The following SULF1 variants were observed in gnomAD, a reference collection of about 807,000 sequenced individuals.
The protein encoded by SULF1 is sulfatase 1.
Under a neutral mutation model 110.5 loss-of-function variants are expected in SULF1, and 46 were observed. The observed-to-expected ratio is 0.42, with a 90% confidence interval of 0.33 to 0.53. The LOEUF (loss-of-function observed/expected upper bound fraction) is 0.53, where lower values mean the gene tolerates loss of function less well. Ranked by LOEUF, SULF1 falls within the 20% of genes least tolerant of loss-of-function variation. The probability of loss-of-function intolerance (pLI) is 0.12; values close to 1 mark genes in which losing one functional copy is unlikely to be tolerated. For synonymous variants in SULF1, 371 were observed against 387.1 expected (o/e 0.96, Z 0.49); for missense variants, 941 against 1,094.2 (o/e 0.86, Z 1.98).
chr8:69,578,988 T>G (rs111443978), intron 6 of SULF1, among the ~76,000 whole-genome samples: 1 of 150,766 alleles, frequency 6.6e-6, no homozygotes, highest in Non-Finnish European at 1.5e-5. Context: ...ACGGTGAAAC[T>G]GTCTCTACTA....
chr8:69,638,755 G>A lies in SULF1; in HGVS notation c.2448G>A (p.Thr816=), dbSNP rs775061008. 1.9e-5 allele frequency: 31 copies of A among 1,613,982 alleles called. 1 individual carries two copies. The highest frequency in any genetic ancestry group is 3.3e-4 in the Middle Eastern group (2 of 6,084). ...DPYQLTNTVH[T]VERGILNQLH... ...CACAGCTCACAAATACAGTGCACAC[G>A]GTAGAACGAGGCATTTTGAATCAGC... The change falls in exon 21 of 23, where the codon ACG becomes ACA. Residue 816 remains threonine, a synonymous_variant. Transcript: ENST00000402687.
intron 7 of SULF1, 47 bp from the exon 8 acceptor site, chr8:69,588,925 A>T: frequency 6.4e-7 from 1 of 1,572,918 alleles, no homozygotes; most frequent in Non-Finnish European, 8.7e-7. Context: ...CGATCTGATG[A>T]ATGTCACCTT....
intron 6 of SULF1, among the ~76,000 whole-genome samples, chr8:69,583,295 G>A (rs563822395): frequency 4.7e-4 from 72 of 152,118 alleles, no homozygotes; most frequent in South Asian, 1.0e-3. Flanking sequence ...TGGGCGCAGC[G>A]CCTCATGCCT....
At chr8:69,653,731 G>A (rs1277105703) in intron 22 of SULF1, among the ~76,000 whole-genome samples, 7 of 152,276 alleles carry the variant, frequency 4.6e-5, no homozygotes, top group South Asian at 2.1e-4. Context: ...AGGTCTTTCT[G>A]ATGATCAGCC....
At chr8:69,477,796 T>C (rs778305504) in intron 1 of SULF1, among the ~76,000 whole-genome samples, 38 of 152,194 alleles carry the variant, frequency 2.5e-4, no homozygotes, top group Non-Finnish European at 4.3e-4. Context: ...GATGGCATTA[T>C]TCTCCTTCTT....
At chr8:69,650,694 A>T (rs78338265) in intron 22 of SULF1, among the ~76,000 whole-genome samples, 7,750 of 152,182 alleles carry the variant, frequency 0.051, 686 homozygotes, top group African/African-American at 0.18. Context: ...TATTCCATGG[A>T]TATTCTCTTG....
chr8:69,522,630 G>A (rs1339284971), intron 3 of SULF1, among the ~76,000 whole-genome samples: 3 of 152,160 alleles, frequency 2.0e-5, no homozygotes, highest in African/African-American at 7.2e-5. Context: ...AAGTCTAACC[G>A]CCGAAATACT....
At chr8:69,609,550 G>C (rs1054846123) in intron 13 of SULF1, among the ~76,000 whole-genome samples, 1 of 152,226 alleles carries the variant, frequency 6.6e-6, no homozygotes. Flanking sequence ...AATCTTCTAA[G>C]TTGAATGGTA....
chr8:69,636,679 G>T (rs949522222), intron 19 of SULF1, among the ~76,000 whole-genome samples: 1 of 152,186 alleles, frequency 6.6e-6, no homozygotes, highest in African/African-American at 2.4e-5. Context: ...GAGAGGTCAG[G>T]TGAATACAGC....
chr8:69,653,866 A>G (rs562050237), intron 22 of SULF1, among the ~76,000 whole-genome samples: 2 of 152,226 alleles, frequency 1.3e-5, no homozygotes, highest in East Asian at 1.9e-4. Context: ...GACCAAATAC[A>G]TTTTTCTTAT....
At chr8:69,489,126 A>T (rs1226995393), upstream of SULF1, among the ~76,000 whole-genome samples, 2 of 152,176 alleles carry the variant, frequency 1.3e-5, no homozygotes, top group East Asian at 3.9e-4. Context: ...TACCAAGGTA[A>T]CACGTGAGAT....
At chr8:69,628,069 T>G in intron 17 of SULF1, 102 bp from the exon 18 acceptor site, 1 of 1,037,866 alleles carries the variant, frequency 9.6e-7, no homozygotes, top group Non-Finnish European at 1.5e-6. Flanking sequence ...ACTTACAACA[T>G]CACTGCCTTC....
chr8:69,591,997 A>G (rs921334758), intron 8 of SULF1, among the ~76,000 whole-genome samples: 1 of 152,208 alleles, frequency 6.6e-6, no homozygotes, highest in Non-Finnish European at 1.5e-5. Context: ...AATATCACCA[A>G]TAGGGCCAGA....
intron 13 of SULF1, among the ~76,000 whole-genome samples, chr8:69,616,228 A>T (rs7842089): frequency 0.58 from 80,580 of 139,878 alleles, 23,169 homozygotes; most frequent in East Asian, 0.64. Flanking sequence ...ATATATATAT[A>T]TATTTTTTTG....
intron 2 of SULF1, among the ~76,000 whole-genome samples, chr8:69,497,465 C>G (rs563941932): frequency 1.1e-4 from 16 of 152,224 alleles, no homozygotes; most frequent in Admixed American, 9.2e-4. Flanking sequence ...CCAGAATGTT[C>G]TTAAGCAACA....
At chr8:69,576,258 A>G (rs376308786) in intron 6 of SULF1, 49 bp downstream of exon 6, 1 of 1,564,722 alleles carries the variant, frequency 6.4e-7, no homozygotes, top group Non-Finnish European at 8.7e-7. Context: ...TATGTCTTAG[A>G]CTCAGGAAGA....
chr8:69,565,039 G>C (rs1815766385), intron 5 of SULF1, among the ~76,000 whole-genome samples: 1 of 152,170 alleles, frequency 6.6e-6, no homozygotes, highest in Non-Finnish European at 1.5e-5. Context: ...CTGAGGCTCA[G>C]GTTCTTGAGG....
At chr8:69,602,381 A>G (rs1056562522) in intron 10 of SULF1, among the ~76,000 whole-genome samples, 4 of 152,226 alleles carry the variant, frequency 2.6e-5, no homozygotes, top group Non-Finnish European at 5.9e-5. Flanking sequence ...CCATCATAAA[A>G]TGGCCTTGTC....
intron 1 of SULF1, among the ~76,000 whole-genome samples, chr8:69,473,708 C>T (rs1271665087): frequency 2.6e-5 from 4 of 152,180 alleles, no homozygotes; most frequent in Non-Finnish European, 5.9e-5. Flanking sequence ...ATGTAGATTT[C>T]ATCTACTGTC....
Sources: gnomAD v4.1 joint callset for allele counts (sites outside exome capture counted in the v4.1 genomes callset) on GRCh38, gnomAD v4.1.1 for gene constraint, MANE v1.5 for transcripts, NCBI Gene and HGNC (gene_info 2026-07-23, HGNC 2026-07-21) for gene names.